The following PHTF2 variants were observed in gnomAD, a reference collection of about 807,000 sequenced individuals.
PHTF2 encodes putative homeodomain transcription factor 2.
In PHTF2, 60 loss-of-function variants were observed where a neutral mutation model predicts 101.2. The observed-to-expected ratio is 0.59, with a 90% CI of 0.48 to 0.73. The LOEUF is 0.73. PHTF2 is among the 30% of genes least tolerant of loss of function. The pLI is 0.00. For missense variants in PHTF2, 747 were observed against 908.7 expected (o/e 0.82, Z 2.29); for synonymous variants, 311 against 307.3 (o/e 1.01, Z -0.13).
At chr7:77,879,722 T>A (rs376711001) in intron 3 of PHTF2, among the ~76,000 whole-genome samples, 18 of 152,190 alleles carry the variant, frequency 1.2e-4, no homozygotes, top group African/African-American at 4.3e-4. Flanking sequence ...TAAAATTTCT[T>A]ATGGTTTTGT....
chr7:77,934,010 T>C (rs1463317133), intron 12 of PHTF2, among the ~76,000 whole-genome samples: 2 of 152,192 alleles, frequency 1.3e-5, no homozygotes, highest in East Asian at 3.8e-4. Context: ...AAAGACTTGA[T>C]CTTAAACAGA....
At chr7:77,873,934 A>G (rs1798728148) in intron 3 of PHTF2, among the ~76,000 whole-genome samples, 1 of 152,186 alleles carries the variant, frequency 6.6e-6, no homozygotes, top group African/African-American at 2.4e-5. Context: ...TAGGGGAGAT[A>G]AGACTCTCAC....
chr7:77,904,847 G>A (rs753757533), intron 7 of PHTF2, among the ~76,000 whole-genome samples: 19 of 152,160 alleles, frequency 1.2e-4, no homozygotes, highest in Non-Finnish European at 2.5e-4. Context: ...TTCATAACAG[G>A]TATTTTCATT....
intron 6 of PHTF2, among the ~76,000 whole-genome samples, chr7:77,901,102 C>G (rs572247176): frequency 2.0e-5 from 3 of 152,292 alleles, no homozygotes; most frequent in South Asian, 4.1e-4. Context: ...ACCAGATCTC[C>G]TGAGAACTCA....
At chr7:77,827,335 T>C (rs953399795) in intron 1 of PHTF2, among the ~76,000 whole-genome samples, 2 of 152,092 alleles carry the variant, frequency 1.3e-5, no homozygotes, top group African/African-American at 4.8e-5. Context: ...TCGTGGAAAA[T>C]TAAATTAATA....
intron 1 of PHTF2, among the ~76,000 whole-genome samples, chr7:77,802,731 AG>A: frequency 6.6e-6 from 1 of 152,256 alleles, no homozygotes; most frequent in South Asian, 2.1e-4. Context: ...TTGTACATAC[AG>A]GGTCTTGCTA....
At chr7:77,923,433 G>C (rs1803667457) in intron 11 of PHTF2, 1 of 984,730 alleles carries the variant, frequency 1.0e-6, no homozygotes, top group African/African-American at 1.7e-5. Context: ...TTTTTTCCTT[G>C]ATGGTTTTGG....
chr7:77,805,448 T>G (rs1792897641), intron 1 of PHTF2, among the ~76,000 whole-genome samples: 2 of 152,240 alleles, frequency 1.3e-5, no homozygotes, highest in Admixed American at 1.3e-4. Flanking sequence ...ACTGTTTATT[T>G]TGCATTTTAT....
chr7:77,931,435 T>C (rs995850528), intron 12 of PHTF2, among the ~76,000 whole-genome samples: 1 of 152,178 alleles, frequency 6.6e-6, no homozygotes, highest in Non-Finnish European at 1.5e-5. Context: ...AATAAAAGGA[T>C]GTGAACAGGT....
In PHTF2 at chr7:77,938,022, A is replaced by T. The variant is rs1268686157; in HGVS notation, c.1467+184A>T. The T allele has an allele frequency of 1.1e-5, 3 of 262,366 alleles. No individual in the cohort carries two copies. In the East Asian group the frequency reaches 2.1e-4, roughly 18 times the overall value. The allele number at this position is 262,366 out of a possible 1,614,324, so 16.3% of individuals were successfully genotyped here. Reference sequence around the variant, plus strand: ...AGTGATTTGTCACCAAACCACTCTCATCTTCTAGTGTTTTCACTTATCTGA... The same window carrying T: ...AGTGATTTGTCACCAAACCACTCTCTTCTTCTAGTGTTTTCACTTATCTGA... On this transcript the variant is annotated intron_variant, in intron 13 of 19. Transcript: ENST00000416283.
At chr7:77,840,567 A>C (rs1427986037) in intron 2 of PHTF2, among the ~76,000 whole-genome samples, 1 of 152,302 alleles carries the variant, frequency 6.6e-6, no homozygotes, top group East Asian at 1.9e-4. Context: ...TTTTATAAAA[A>C]CATTAACACT....
At chr7:77,847,573 A>G (rs1195644007) in intron 2 of PHTF2, among the ~76,000 whole-genome samples, 1 of 152,212 alleles carries the variant, frequency 6.6e-6, no homozygotes, top group Non-Finnish European at 1.5e-5. Context: ...TTTTAAATCT[A>G]TGTTCATGTT....
chr7:77,939,144 T>C (rs1470521914), intron 13 of PHTF2, among the ~76,000 whole-genome samples: 1 of 152,230 alleles, frequency 6.6e-6, no homozygotes, highest in Admixed American at 6.5e-5. Flanking sequence ...TCTGCCAGTC[T>C]AGCATACTGG....
chr7:77,812,461 T>C (rs1793514172), intron 1 of PHTF2, among the ~76,000 whole-genome samples: 1 of 152,220 alleles, frequency 6.6e-6, no homozygotes. Flanking sequence ...AAGTTAGAAC[T>C]ACTTGAGAGA....
At chr7:77,919,838 C>T (rs1803279956) in intron 9 of PHTF2, among the ~76,000 whole-genome samples, 1 of 152,052 alleles carries the variant, frequency 6.6e-6, no homozygotes, top group African/African-American at 2.4e-5. Flanking sequence ...TGTGTCTTCA[C>T]TGTATATTAA....
intron 1 of PHTF2, among the ~76,000 whole-genome samples, chr7:77,834,930 C>T (rs1011186358): frequency 2.6e-5 from 4 of 152,108 alleles, no homozygotes; most frequent in African/African-American, 7.2e-5. Context: ...GATTTTTGAG[C>T]ATATGTTGGT....
exon 11 of PHTF2, chr7:77,922,663 C>T (rs778153603): frequency 1.9e-6 from 3 of 1,610,614 alleles, no homozygotes; most frequent in Non-Finnish European, 1.7e-6. Context: ...GATGAAGTCT[C>T]CAGTGAGGAA....
At chr7:77,844,066 C>T (rs1464388120) in intron 2 of PHTF2, among the ~76,000 whole-genome samples, 2 of 152,156 alleles carry the variant, frequency 1.3e-5, no homozygotes, top group African/African-American at 2.4e-5. Flanking sequence ...GGTGTGAACA[C>T]GGCTCACTGC....
chr7:77,918,330 A>G (rs1803125647), intron 9 of PHTF2, among the ~76,000 whole-genome samples: 1 of 152,176 alleles, frequency 6.6e-6, no homozygotes, highest in East Asian at 1.9e-4. Flanking sequence ...GTTGCCTACT[A>G]ACATTTCTCA....
Sources: allele counts gnomAD v4.1 joint callset (sites outside exome capture counted in the v4.1 genomes callset), GRCh38; gene constraint gnomAD v4.1.1; transcripts MANE v1.5; gene names NCBI Gene and HGNC (gene_info 2026-07-23, HGNC 2026-07-21).